Variants in GJB7 observed in about 807,000 individuals in gnomAD.
GJB7 encodes gap junction protein beta 7.
For missense variants in GJB7, 253 were observed against 256.8 expected (o/e 0.99, Z 0.10); for synonymous variants, 87 against 95.2 (o/e 0.91, Z 0.50).
At chr6:87,293,965 G>A (rs1776215240) in intron 2 of GJB7, among the ~76,000 whole-genome samples, 1 of 152,202 alleles carries the variant, frequency 6.6e-6, no homozygotes, top group South Asian at 2.1e-4. Flanking sequence ...TTTATGGAAA[G>A]AGAGGCATTA....
Position 87,284,684 on chromosome 6 carries a change from A to G in GJB7, c.229T>C (p.Trp77Arg). 6.2e-7 allele frequency: 1 copy of G among 1,614,166 alleles called. No homozygotes were observed. Among genetic ancestry groups the G allele is most frequent in the Non-Finnish European group, 8.5e-7 (1 of 1,180,018 alleles). ...GAGACCATTATCAGTTGTAAGGCCC[A>G]AAGTCTGACTTGGGAAATGGGGAAG... ...DFFPISQVRLWALQLIMVSTP... is the reference protein window; with the variant it reads ...DFFPISQVRLRALQLIMVSTP... The change falls in exon 3 of 3, where the codon TGG (tryptophan) becomes CGG (arginine). Residue 77 changes from tryptophan to arginine, a missense_variant. Transcript: ENST00000525899.
intron 2 of GJB7, among the ~76,000 whole-genome samples, chr6:87,301,508 G>C (rs1256547638): frequency 2.6e-5 from 4 of 152,186 alleles, no homozygotes; most frequent in Admixed American, 1.3e-4. Context: ...GCTGAGGCTT[G>C]AGTAGGTAAA....
At chr6:87,304,163 A>C (rs56909662) in intron 2 of GJB7, among the ~76,000 whole-genome samples, 12,527 of 152,200 alleles carry the variant, frequency 0.082, 870 homozygotes, top group African/African-American at 0.19. Flanking sequence ...GAAGACAAGA[A>C]ATAACGAAGA....
At chr6:87,325,943 C>T (rs755540223) in intron 1 of GJB7, among the ~76,000 whole-genome samples, 10 of 152,156 alleles carry the variant, frequency 6.6e-5, no homozygotes, top group African/African-American at 1.4e-4. Flanking sequence ...ACAATTTCAG[C>T]TCCTGTTATT....
Position 87,322,834 on chromosome 6 carries a change from C to T in GJB7, c.-28+32G>A, listed in dbSNP as rs375949595. 2.0e-5 allele frequency: 3 copies of T among 152,410 alleles called. No homozygotes were observed. In the East Asian group the frequency reaches 5.8e-4, roughly 29 times the overall value. The allele number at this position is 152,410 out of a possible 1,614,324, so 9.4% of individuals were successfully genotyped here. On this transcript the variant is annotated intron_variant, in intron 2 of 2. Coordinates refer to ENST00000525899, the MANE Select transcript of GJB7 (RefSeq NM_198568.3). The stretch of plus-strand genomic sequence containing the variant: ...CCGCACCCCAAGTCGGTGAAGCTCT[C>T]TGGCCCCACAGAGCCCATTTCCCGT...
At chr6:87,312,576 A>T (rs1776527541) in intron 2 of GJB7, among the ~76,000 whole-genome samples, 1 of 152,158 alleles carries the variant, frequency 6.6e-6, no homozygotes, top group Non-Finnish European at 1.5e-5. Flanking sequence ...GCACCAGTTT[A>T]TGCCTTAAGT....
chr6:87,311,267 T>C (rs1776509921), intron 2 of GJB7, among the ~76,000 whole-genome samples: 1 of 152,200 alleles, frequency 6.6e-6, no homozygotes, highest in Non-Finnish European at 1.5e-5. Context: ...AACATATGGT[T>C]ACCAATGACT....
intron 2 of GJB7, among the ~76,000 whole-genome samples, chr6:87,315,334 T>C (rs752908825): frequency 6.6e-6 from 1 of 152,124 alleles, no homozygotes; most frequent in Non-Finnish European, 1.5e-5. Context: ...CAATTTGTCC[T>C]GAAAAAGGGC....
chr6:87,313,168 A>G (rs1411787167), intron 2 of GJB7, among the ~76,000 whole-genome samples: 1 of 152,248 alleles, frequency 6.6e-6, no homozygotes, highest in Admixed American at 6.5e-5. Context: ...ATTGTATAAC[A>G]ACTTCTAAAT....
At chr6:87,298,322 T>C (rs567938256) in intron 2 of GJB7, among the ~76,000 whole-genome samples, 44 of 152,320 alleles carry the variant, frequency 2.9e-4, no homozygotes, top group Non-Finnish European at 5.9e-4. Flanking sequence ...TTCACTGATA[T>C]AGAAGCAGCA....
chr6:87,303,507 G>A (rs1336676330), intron 2 of GJB7, among the ~76,000 whole-genome samples: 1 of 152,114 alleles, frequency 6.6e-6, no homozygotes, highest in African/African-American at 2.4e-5. Context: ...CCTAATACAG[G>A]AGCACCAAGA....
intron 2 of GJB7, chr6:87,298,970 A>G: frequency 2.2e-6 from 1 of 461,166 alleles, no homozygotes; most frequent in Admixed American, 2.3e-5. Context: ...GGGAAGTTCT[A>G]AAGTAACAAA....
In GJB7 at chr6:87,308,941, A is replaced by G. The variant is rs1776473574; in HGVS notation, c.-28+13925T>C. On this transcript the variant is annotated intron_variant, in intron 2 of 2. Transcript: ENST00000525899. ...AAATTTACCCAATTAAAATAATCTT[A>G]TAGGGAACACATCTCCATCTCCTTT... Among the ~76,000 whole-genome samples the G allele has an allele frequency of 2.6e-5, 4 of 152,358 alleles. No homozygotes were observed. The South Asian group carries it at 8.3e-4, about 32-fold the overall frequency.
At chr6:87,322,652 G>A (rs1057204383) in intron 2 of GJB7, 7 of 152,360 alleles carry the variant, frequency 4.6e-5, no homozygotes, top group Non-Finnish European at 4.4e-5. Flanking sequence ...GGCTTCGGTG[G>A]TGTTGAGTGG....
At chr6:87,323,381 G>C (rs1039114418) in intron 1 of GJB7, among the ~76,000 whole-genome samples, 1 of 151,830 alleles carries the variant, frequency 6.6e-6, no homozygotes, top group South Asian at 2.1e-4. Flanking sequence ...CCACCAACTG[G>C]ACATCTAACA....
intron 2 of GJB7, among the ~76,000 whole-genome samples, chr6:87,321,859 G>GAGAA (rs1232788176): frequency 6.6e-6 from 1 of 152,176 alleles, no homozygotes; most frequent in African/African-American, 2.4e-5. Flanking sequence ...GAGAAAGAGA[G>GAGAA]AGAGTGTGAA....
At chr6:87,293,399 C>T (rs142992006) in intron 2 of GJB7, among the ~76,000 whole-genome samples, 2 of 152,224 alleles carry the variant, frequency 1.3e-5, no homozygotes, top group African/African-American at 4.8e-5. Context: ...GATAAATTAC[C>T]AGATAAATCC....
chr6:87,292,193 T>C (rs1274513072), intron 2 of GJB7, among the ~76,000 whole-genome samples: 1 of 152,262 alleles, frequency 6.6e-6, no homozygotes, highest in East Asian at 1.9e-4. Flanking sequence ...ATCGCTCATA[T>C]ACACGCAGTT....
At chr6:87,320,956 C>A (rs147269229) in intron 2 of GJB7, among the ~76,000 whole-genome samples, 1 of 152,096 alleles carries the variant, frequency 6.6e-6, no homozygotes, top group Non-Finnish European at 1.5e-5. Flanking sequence ...CAGTGGCTCA[C>A]GCCTGTAATC....
Sources: allele counts gnomAD v4.1 joint callset (sites outside exome capture counted in the v4.1 genomes callset), GRCh38; gene constraint gnomAD v4.1.1; transcripts MANE v1.5; gene names NCBI Gene and HGNC (gene_info 2026-07-23, HGNC 2026-07-21).